Variants in SYN3 observed in about 807,000 individuals in gnomAD.
The protein encoded by SYN3 is synapsin-3.
A neutral mutation model predicts 65.8 loss-of-function variants in SYN3; 35 were observed. The ratio of observed to expected loss-of-function variants is 0.53; its 90% CI spans 0.41 to 0.70. SYN3 has a LOEUF of 0.70. SYN3 is among the 30% of genes least tolerant of loss of function. The pLI, the probability that SYN3 is intolerant of heterozygous loss-of-function variation, is 0.00. For missense variants in SYN3, 680 were observed against 749.0 expected (o/e 0.91, Z 1.08); for synonymous variants, 270 against 292.9 (o/e 0.92, Z 0.80).
intron 6 of SYN3, among the ~76,000 whole-genome samples, chr22:32,690,848 G>A (rs1025319190): frequency 1.3e-5 from 2 of 152,156 alleles, no homozygotes; most frequent in Non-Finnish European, 2.9e-5. Context: ...CATGGGAAGC[G>A]AGGGCTCATG....
intron 1 of SYN3, among the ~76,000 whole-genome samples, chr22:33,040,286 A>C (rs1263647159): frequency 1.3e-5 from 2 of 152,036 alleles, no homozygotes; most frequent in Non-Finnish European, 2.9e-5. Context: ...GATCCTACCA[A>C]ATTCACCTCC....
At chr22:32,600,604 C>T (rs1486556983) in intron 6 of SYN3, among the ~76,000 whole-genome samples, 1 of 152,182 alleles carries the variant, frequency 6.6e-6, no homozygotes, top group East Asian at 1.9e-4. Context: ...CCACCACGGT[C>T]TTCCCGTGGG....
chr22:32,787,758 C>T (rs944415536), intron 6 of SYN3, among the ~76,000 whole-genome samples: 1 of 151,966 alleles, frequency 6.6e-6, no homozygotes, highest in Admixed American at 6.6e-5. Context: ...AAAAATGAGA[C>T]CCTGGGAGGC....
chr22:32,672,109 C>T (rs919004516), intron 6 of SYN3, among the ~76,000 whole-genome samples: 2 of 152,148 alleles, frequency 1.3e-5, no homozygotes, highest in African/African-American at 4.8e-5. Flanking sequence ...CTCTTCCTCC[C>T]CCATCCATCA....
chr22:32,698,853 C>G (rs2060773450), intron 6 of SYN3, among the ~76,000 whole-genome samples: 1 of 152,128 alleles, frequency 6.6e-6, no homozygotes, highest in Non-Finnish European at 1.5e-5. Flanking sequence ...AGATATGGGA[C>G]ATTAATTTCT....
intron 6 of SYN3, among the ~76,000 whole-genome samples, chr22:32,646,237 T>A (rs2059982126): frequency 6.6e-6 from 1 of 152,150 alleles, no homozygotes; most frequent in Non-Finnish European, 1.5e-5. Context: ...GTGATGGACA[T>A]CTCCATGAAT....
At chr22:32,924,729 A>G (rs1291487493) in intron 4 of SYN3, among the ~76,000 whole-genome samples, 3 of 152,258 alleles carry the variant, frequency 2.0e-5, no homozygotes, top group Admixed American at 2.0e-4. Flanking sequence ...GCAAGGGACC[A>G]CAAACTTAAT....
chr22:32,597,829 T>C (rs763500784), intron 6 of SYN3, among the ~76,000 whole-genome samples: 9 of 152,108 alleles, frequency 5.9e-5, no homozygotes, highest in Non-Finnish European at 8.8e-5. Context: ...CAGCAAGACC[T>C]AGGAGGCATG....
chr22:32,769,628 T>C (rs1307548421), intron 6 of SYN3, among the ~76,000 whole-genome samples: 1 of 152,052 alleles, frequency 6.6e-6, no homozygotes, highest in African/African-American at 2.4e-5. Context: ...GTTATTCTCC[T>C]GCCTCAGCCT....
chr22:32,518,782 A>G (rs748866367), intron 12 of SYN3, among the ~76,000 whole-genome samples: 8 of 152,188 alleles, frequency 5.3e-5, no homozygotes, highest in Admixed American at 5.2e-4. Context: ...TGATAGAGTG[A>G]GTCTCGGGCT....
intron 6 of SYN3, among the ~76,000 whole-genome samples, chr22:32,754,230 C>T (rs893544596): frequency 2.0e-5 from 3 of 152,148 alleles, no homozygotes; most frequent in Non-Finnish European, 4.4e-5. Flanking sequence ...TGGTTCACTG[C>T]AACCTCTGCC....
chr22:32,660,839 A>C (rs1285813454), intron 6 of SYN3, among the ~76,000 whole-genome samples: 1 of 149,288 alleles, frequency 6.7e-6, no homozygotes, highest in Non-Finnish European at 1.5e-5. Context: ...GCAAGAACTT[A>C]AAACAGACTC....
At chr22:32,890,690 A>T (rs137513) in intron 4 of SYN3, among the ~76,000 whole-genome samples, 3 of 152,170 alleles carry the variant, frequency 2.0e-5, no homozygotes, top group African/African-American at 7.2e-5. Context: ...GATTTAGCAC[A>T]TTTTTAACCT....
intron 3 of SYN3, among the ~76,000 whole-genome samples, chr22:32,944,471 A>C (rs2146780494): frequency 6.6e-6 from 1 of 152,340 alleles, no homozygotes; most frequent in South Asian, 2.1e-4. Context: ...GATGCAGAAA[A>C]GGCCTTTGAC....
At chr22:32,576,511 T>C (rs1364532222) in intron 7 of SYN3, among the ~76,000 whole-genome samples, 1 of 152,172 alleles carries the variant, frequency 6.6e-6, no homozygotes, top group Admixed American at 6.5e-5. Context: ...ATGGTGACTA[T>C]TTTCCGTAAG....
intron 7 of SYN3, among the ~76,000 whole-genome samples, chr22:32,549,256 C>T (rs1433569719): frequency 6.9e-6 from 1 of 145,454 alleles, no homozygotes; most frequent in African/African-American, 2.5e-5. Flanking sequence ...AACATGCAAG[C>T]TTTTTTTTTT....
intron 6 of SYN3, among the ~76,000 whole-genome samples, chr22:32,630,963 A>T (rs1361868646): frequency 1.3e-5 from 2 of 152,154 alleles, no homozygotes; most frequent in Non-Finnish European, 2.9e-5. Context: ...TCGGATTCCA[A>T]CCCTAATGCT....
At chr22:32,832,765 G>A (rs940423578) in intron 6 of SYN3, among the ~76,000 whole-genome samples, 1 of 151,926 alleles carries the variant, frequency 6.6e-6, no homozygotes, top group African/African-American at 2.4e-5. Flanking sequence ...GTCTCACTCT[G>A]TCGTTCAGCT....
intron 6 of SYN3, among the ~76,000 whole-genome samples, chr22:32,785,766 G>A (rs1046369536): frequency 6.6e-6 from 1 of 152,078 alleles, no homozygotes; most frequent in African/African-American, 2.4e-5. Flanking sequence ...CGCTGAGATG[G>A]TTTATCCATC....
Sources: allele counts gnomAD v4.1 joint callset (sites outside exome capture counted in the v4.1 genomes callset), GRCh38; gene constraint gnomAD v4.1.1; transcripts MANE v1.5; gene names NCBI Gene and HGNC (gene_info 2026-07-23, HGNC 2026-07-21).